Variants in CLIP4 observed in about 807,000 individuals in gnomAD.
The protein encoded by CLIP4 is CAP-Gly domain-containing linker protein 4.
Under a neutral mutation model 73.1 loss-of-function variants are expected in CLIP4, and 47 were observed. The observed-to-expected ratio is 0.64, with a 90% confidence interval of 0.51 to 0.82. CLIP4 has a LOEUF of 0.82. Ranked by LOEUF, CLIP4 falls within the 40% of genes least tolerant of loss-of-function variation. CLIP4 has a pLI of 0.00. For missense variants in CLIP4, 874 were observed against 852.9 expected, an observed-to-expected ratio of 1.02 and a Z score of -0.31; for synonymous variants, 306 against 295.4, an observed-to-expected ratio of 1.04 and a Z score of -0.37.
chr2:29,130,038 G>C (rs1472517317), intron 2 of CLIP4: 1 of 471,088 alleles, frequency 2.1e-6, no homozygotes, highest in Non-Finnish European at 4.4e-6. Flanking sequence ...AGAATAGGTT[G>C]ACTTCCTGAG....
chr2:29,098,171 A>G (rs1262650525), intron 1 of CLIP4, among the ~76,000 whole-genome samples: 1 of 152,236 alleles, frequency 6.6e-6, no homozygotes, highest in East Asian at 1.9e-4. Context: ...CAGCACTCCA[A>G]ACTTAAAAGG....
Position 29,131,289 on chromosome 2 carries a change from A to T in CLIP4, c.165A>T (p.Ser55=). ...EFSFFDPNDA[S]CQEILFDPKT... ...CTTTCTTTGATCCTAATGATGCATC[A>T]TGCCAGGAAATTCTTTTTGATCCCA... Residue 55 remains serine (S), a synonymous_variant, in exon 3 of 16, where the codon TCA becomes TCT. Coordinates refer to ENST00000320081, the MANE Select transcript of CLIP4 (RefSeq NM_024692.6). 6.2e-7 allele frequency: 1 copy of T among 1,608,282 alleles called. No homozygotes were observed. The highest frequency in any genetic ancestry group is 8.5e-7 in the Non-Finnish European group (1 of 1,177,940).
intron 15 of CLIP4, 62 bp downstream of exon 15, chr2:29,174,507 G>A: frequency 4.4e-6 from 7 of 1,577,024 alleles, no homozygotes; most frequent in Non-Finnish European, 6.0e-6. Context: ...ATTCTGTGAA[G>A]AAAGAAAAGT....
chr2:29,153,048 C>G (rs568064022), intron 9 of CLIP4, among the ~76,000 whole-genome samples: 2 of 152,194 alleles, frequency 1.3e-5, no homozygotes, highest in South Asian at 4.1e-4. Context: ...TTTACTGTCT[C>G]CATACCTTTA....
chr2:29,117,900 A>G (rs750247632), intron 1 of CLIP4, among the ~76,000 whole-genome samples: 4 of 152,218 alleles, frequency 2.6e-5, no homozygotes, highest in Non-Finnish European at 4.4e-5. Context: ...CTGAATAAAT[A>G]TTTGTTAAAT....
At chr2:29,121,827 A>G (rs1160113910) in intron 2 of CLIP4, among the ~76,000 whole-genome samples, 1 of 152,158 alleles carries the variant, frequency 6.6e-6, no homozygotes, top group Non-Finnish European at 1.5e-5. Flanking sequence ...CTATTGATGT[A>G]TTTATTTTGG....
chr2:29,182,065 A>G lies in CLIP4; in HGVS notation c.*172A>G, dbSNP rs1328038244. 1.1e-5 allele frequency: 5 copies of G among 472,508 alleles called. No homozygotes were observed. Among genetic ancestry groups the G allele is most frequent in the South Asian group, 5.6e-5 (1 of 17,992 alleles). 29.3% of individuals were successfully genotyped at this position (472,508 alleles called of 1,614,324 possible). ...CTTTACAAAGCCATGAATATGAACT[A>G]TGGGGAATCATGGTTCTTTTAAAGC... On this transcript the variant is annotated 3_prime_UTR_variant, in exon 16 of 16. Coordinates refer to ENST00000320081, the MANE Select transcript of CLIP4 (RefSeq NM_024692.6).
At chr2:29,174,495 G>A in intron 15 of CLIP4, 50 bp downstream of exon 15, 2 of 1,585,086 alleles carry the variant, frequency 1.3e-6, no homozygotes, top group Non-Finnish European at 1.7e-6. Context: ...GAACATGATG[G>A]GATTCTGTGA....
chr2:29,107,362 T>G lies in CLIP4; in HGVS notation c.-16+9415T>G, dbSNP rs113187502. Among the ~76,000 whole-genome samples, 662 of 74,984 alleles carry G rather than the reference T, an allele frequency of 8.8e-3. 6 individuals are homozygous for G. The highest frequency in any genetic ancestry group is 0.043 in the African/African-American group (630 of 14,740). 49.2% of individuals were successfully genotyped at this position (74,984 alleles called of 152,430 possible). On this transcript the variant is annotated intron_variant, in intron 1 of 14. Transcript: ENST00000401605. ...CTAAATTCCTGGAACATGATAGTTT[T>G]TTTTTTTTTTTTTTTTTTTTTTTTT...
In CLIP4 at chr2:29,131,376, C is replaced by CA; in HGVS notation, c.253dup (p.Ile85AsnfsTer2). 2 of 1,600,182 alleles carry CA rather than the reference C, an allele frequency of 1.2e-6. No homozygotes were observed. The highest frequency in any genetic ancestry group is 3.3e-4 in the Middle Eastern group (2 of 5,992). ...AGTGGGTTCCTCAGGTCCAACAAAA[C>CA]ATTGACATTATTGGAAATGAGGTAA... is the stretch of plus-strand genomic sequence containing the variant. On this transcript the variant is annotated frameshift_variant, in exon 3 of 16. Transcript: ENST00000320081. LOFTEE classifies it high-confidence loss of function.
intron 7 of CLIP4, among the ~76,000 whole-genome samples, chr2:29,144,413 G>T (rs1056891558): frequency 6.6e-6 from 1 of 152,140 alleles, no homozygotes; most frequent in Non-Finnish European, 1.5e-5. Context: ...TGGAAAAGAG[G>T]ACTCCTACTC....
intron 6 of CLIP4, among the ~76,000 whole-genome samples, chr2:29,139,110 C>T (rs567392262): frequency 6.6e-5 from 10 of 152,064 alleles, no homozygotes; most frequent in East Asian, 5.8e-4. Flanking sequence ...CCAACTTGCC[C>T]GTTCAGTATG....
At chr2:29,125,546 G>A (rs1489905430) in intron 2 of CLIP4, among the ~76,000 whole-genome samples, 1 of 151,952 alleles carries the variant, frequency 6.6e-6, no homozygotes, top group Admixed American at 6.6e-5. Flanking sequence ...TCAACTCAGC[G>A]AGTCCAGACT....
At chr2:29,153,009 A>T (rs2148027775) in intron 9 of CLIP4, among the ~76,000 whole-genome samples, 181 bp downstream of exon 9, 1 of 152,256 alleles carries the variant, frequency 6.6e-6, no homozygotes, top group Non-Finnish European at 1.5e-5. Context: ...TAACAAATGT[A>T]TTTCAGATTT....
chr2:29,176,399 G>A (rs1668347575), intron 15 of CLIP4, among the ~76,000 whole-genome samples: 1 of 152,214 alleles, frequency 6.6e-6, no homozygotes, highest in Non-Finnish European at 1.5e-5. Flanking sequence ...GAGAAGAAAT[G>A]TGGATAATCT....
intron 1 of CLIP4, among the ~76,000 whole-genome samples, chr2:29,105,774 T>C (rs1282072892): frequency 6.6e-6 from 1 of 152,154 alleles, no homozygotes; most frequent in Non-Finnish European, 1.5e-5. Flanking sequence ...CCTTTTTCCT[T>C]CCCCCATGTG....
At chr2:29,104,385 C>A (rs1317762617) in intron 1 of CLIP4, among the ~76,000 whole-genome samples, 3 of 152,154 alleles carry the variant, frequency 2.0e-5, no homozygotes, top group Admixed American at 2.0e-4. Flanking sequence ...AAGTGATCCT[C>A]CAGCCTCAAC....
At chr2:29,156,542 T>A in intron 10 of CLIP4, 99 bp downstream of exon 10, 1 of 837,022 alleles carries the variant, frequency 1.2e-6, no homozygotes, top group Non-Finnish European at 1.8e-6. Flanking sequence ...AGTTTTAAAG[T>A]TGGCAAGGGA....
intron 6 of CLIP4, among the ~76,000 whole-genome samples, chr2:29,142,518 AAC>A (rs1203376448): frequency 6.6e-6 from 1 of 152,144 alleles, no homozygotes; most frequent in African/African-American, 2.4e-5. Context: ...ACATTAGTGT[AAC>A]ACATATCTTT....
Sources: gnomAD v4.1 joint callset for allele counts (sites outside exome capture counted in the v4.1 genomes callset) on GRCh38, gnomAD v4.1.1 for gene constraint, MANE v1.5 for transcripts, NCBI Gene and HGNC (gene_info 2026-07-23, HGNC 2026-07-21) for gene names.